The following ERICH3 variants were observed in gnomAD, a reference collection of about 807,000 sequenced individuals.
ERICH3 encodes glutamate-rich protein 3.
Under a neutral mutation model 131.1 loss-of-function variants are expected in ERICH3, and 126 were observed. The ratio of observed to expected loss-of-function variants is 0.96; its 90% CI spans 0.83 to 1.11. The LOEUF (loss-of-function observed/expected upper bound fraction) is 1.11, where lower values mean the gene tolerates loss of function less well. ERICH3 is among the 50% of genes most tolerant of loss of function. ERICH3 has a pLI of 0.00. For synonymous variants in ERICH3, 695 were observed against 644.6 expected, an observed-to-expected ratio of 1.08 and a Z score of -1.18; for missense variants, 2,050 against 1,810.7, an observed-to-expected ratio of 1.13 and a Z score of -2.40.
chr1:74,641,494 T>C (rs1342097061), intron 4 of ERICH3, 35 bp from the exon 5 acceptor site: 6 of 1,600,286 alleles, frequency 3.7e-6, no homozygotes, highest in Non-Finnish European at 5.1e-6. Context: ...AATAGATGCA[T>C]AGTTAGTAAT....
At chr1:74,590,231 G>T in intron 11 of ERICH3, 151 bp from the exon 12 acceptor site, 1 of 737,170 alleles carries the variant, frequency 1.4e-6, no homozygotes, top group Non-Finnish European at 2.1e-6. Context: ...CTACTCAGTG[G>T]TCCCCAATCT....
At chr1:74,607,855 A>T (rs941083526) in intron 9 of ERICH3, among the ~76,000 whole-genome samples, 4 of 152,026 alleles carry the variant, frequency 2.6e-5, no homozygotes, top group Non-Finnish European at 4.4e-5. Context: ...AAAAATGATG[A>T]TTATGATAAT....
Position 74,572,264 on chromosome 1 carries a change from A to C in ERICH3, c.3446T>G (p.Leu1149Arg). Residue 1149 changes from leucine (L) to arginine (R), a missense_variant, in exon 14 of 15, where the codon CTA becomes CGA. Coordinates refer to ENST00000326665, the MANE Select transcript of ERICH3 (RefSeq NM_001002912.5). The stretch of plus-strand genomic sequence containing the variant: ...AAATATGGGAACCACTGTCTCTTTT[A>C]GTGAATCTTCTCCTAGAAGCCCTGG... Reference protein sequence around the residue: ...DNPGLLGEDSLKETVVPIFEA... With the variant: ...DNPGLLGEDSRKETVVPIFEA... 6.2e-7 allele frequency: 1 copy of C among 1,614,042 alleles called. No homozygotes were observed.
At chr1:74,664,110 A>G (rs925968387) in intron 1 of ERICH3, among the ~76,000 whole-genome samples, 4 of 152,162 alleles carry the variant, frequency 2.6e-5, no homozygotes, top group African/African-American at 9.6e-5. Flanking sequence ...TCTTAGAAGC[A>G]GCTCTTTAAG....
intron 4 of ERICH3, among the ~76,000 whole-genome samples, chr1:74,642,318 T>A (rs1368010853): frequency 6.6e-6 from 1 of 152,162 alleles, no homozygotes; most frequent in Non-Finnish European, 1.5e-5. Flanking sequence ...CAAATATTCA[T>A]CAGTTTGTGA....
At chr1:74,590,745 C>T (rs1256498053) in intron 11 of ERICH3, among the ~76,000 whole-genome samples, 2 of 152,062 alleles carry the variant, frequency 1.3e-5, no homozygotes, top group African/African-American at 2.4e-5. Flanking sequence ...GTCCGTGGCC[C>T]GGGGATTAGA....
rs1452737908 is a variant in ERICH3 at position 74,570,062 on chromosome 1, C to T, written c.*396G>A. 6.6e-6 allele frequency: 1 copy of T among 152,160 alleles called. No homozygotes were observed. Among genetic ancestry groups the T allele is most frequent in the East Asian group, 1.9e-4 (1 of 5,200 alleles). The allele number at this position is 152,160 out of a possible 1,614,324, so 9.4% of individuals were successfully genotyped here. On this transcript the variant is annotated 3_prime_UTR_variant, in exon 15 of 15. Transcript: ENST00000326665. ...ATTGAGATTGTGGAATTGACTGGGG[C>T]TCTGTATTGTAAAATAAAAAGGACT...
chr1:74,646,194 A>T (rs1047782971), intron 3 of ERICH3, among the ~76,000 whole-genome samples: 8 of 152,104 alleles, frequency 5.3e-5, no homozygotes, highest in Non-Finnish European at 1.2e-4. Context: ...GAAATGTAAC[A>T]TACGGCTGAG....
At chr1:74,666,256 T>C (rs769481826) in intron 1 of ERICH3, among the ~76,000 whole-genome samples, 1 of 152,106 alleles carries the variant, frequency 6.6e-6, no homozygotes, top group African/African-American at 2.4e-5. Flanking sequence ...GACAAGGGGA[T>C]AAAGACAGCA....
At chr1:74,662,366 T>G (rs1001038586) in intron 1 of ERICH3, among the ~76,000 whole-genome samples, 2 of 152,172 alleles carry the variant, frequency 1.3e-5, no homozygotes, top group Non-Finnish European at 2.9e-5. Flanking sequence ...AAGAAGATTT[T>G]AAAAGTCATA....
chr1:74,641,057 G>A (rs17095690), intron 5 of ERICH3, among the ~76,000 whole-genome samples: 20,765 of 151,924 alleles, frequency 0.14, 1,643 homozygotes, highest in South Asian at 0.3. Context: ...TACAGGCCAG[G>A]GAAAGTATTT....
chr1:74,579,516 T>A, intron 12 of ERICH3: 1 of 985,394 alleles, frequency 1.0e-6, no homozygotes, highest in Non-Finnish European at 1.2e-6. Context: ...GATGAGAGCC[T>A]GTATAGTTAG....
chr1:74,658,392 T>C (rs936107103), intron 1 of ERICH3, among the ~76,000 whole-genome samples: 4 of 152,150 alleles, frequency 2.6e-5, no homozygotes, highest in Non-Finnish European at 5.9e-5. Context: ...GGAAGCAGCA[T>C]TGAGCAGAGG....
In ERICH3 at chr1:74,646,795, G is replaced by T. The variant is rs1167224680; in HGVS notation, c.118-3C>A. 3 of 1,416,674 alleles carry T rather than the reference G, an allele frequency of 2.1e-6. No homozygotes were observed. The highest frequency in any genetic ancestry group is 2.8e-5 in the South Asian group (2 of 72,158). 87.8% of individuals were successfully genotyped at this position (1,416,674 alleles called of 1,614,324 possible). On this transcript the variant is annotated splice_polypyrimidine_tract_variant and splice_region_variant and intron_variant, in intron 2 of 14. Transcript: ENST00000326665. The stretch of plus-strand genomic sequence containing the variant: ...AGTATTCTTCCACTTCTTGTGATCT[G>T]TCATGAATAAATAAAATATACATAG...
At chr1:74,586,354 A>G (rs1647330282) in intron 12 of ERICH3, 5 of 902,522 alleles carry the variant, frequency 5.5e-6, no homozygotes, top group Non-Finnish European at 6.6e-6. Flanking sequence ...ATAGCAATAT[A>G]TATTAATATA....
At chr1:74,664,530 A>G (rs1219611859) in intron 1 of ERICH3, among the ~76,000 whole-genome samples, 2 of 152,170 alleles carry the variant, frequency 1.3e-5, no homozygotes, top group East Asian at 3.9e-4. Context: ...CATATAGAGA[A>G]TGCCAAATTA....
chr1:74,669,656 A>G (rs1418675173), intron 1 of ERICH3, among the ~76,000 whole-genome samples: 1 of 152,046 alleles, frequency 6.6e-6, no homozygotes, highest in Non-Finnish European at 1.5e-5. Context: ...CTACGAAATT[A>G]TGATGCAGCT....
At chr1:74,573,641 A>T (rs1412317508) in intron 13 of ERICH3, 150 bp from the exon 14 acceptor site, 14 of 979,626 alleles carry the variant, frequency 1.4e-5, no homozygotes, top group Non-Finnish European at 1.9e-5. Context: ...CACTTTCTCC[A>T]TTGTTTCTAG....
intron 12 of ERICH3, chr1:74,577,565 T>G (rs1647089341): frequency 6.6e-6 from 1 of 152,168 alleles, no homozygotes; most frequent in African/African-American, 2.4e-5. Flanking sequence ...TTTAAATAAG[T>G]GGGGTCAATT....
Sources: allele counts gnomAD v4.1 joint callset (sites outside exome capture counted in the v4.1 genomes callset), GRCh38; gene constraint gnomAD v4.1.1; transcripts MANE v1.5; gene names NCBI Gene and HGNC (gene_info 2026-07-23, HGNC 2026-07-21).